VIRMA: variants seen among roughly 807,000 people sequenced by gnomAD.
The protein encoded by VIRMA is protein virilizer homolog.
In VIRMA, 65 loss-of-function variants were observed where a neutral mutation model predicts 182.4. The observed-to-expected ratio is 0.36, with a 90% confidence interval of 0.29 to 0.44. The LOEUF (loss-of-function observed/expected upper bound fraction) is 0.44, where lower values mean the gene tolerates loss of function less well. Ranked by LOEUF, VIRMA falls within the 20% of genes least tolerant of loss-of-function variation. VIRMA has a pLI of 1.00. For missense variants in VIRMA, 1,752 were observed against 2,158.1 expected (o/e 0.81, Z 3.73); for synonymous variants, 709 against 743.1 (o/e 0.95, Z 0.75).
intron 1 of VIRMA, among the ~76,000 whole-genome samples, chr8:94,551,600 G>T (rs1815988970): frequency 6.6e-6 from 1 of 152,112 alleles, no homozygotes; most frequent in South Asian, 2.1e-4. Flanking sequence ...TGCTCTCAAG[G>T]TATTCAATGT....
intron 10 of VIRMA, among the ~76,000 whole-genome samples, chr8:94,515,794 A>G (rs1321746348): frequency 6.6e-6 from 1 of 152,108 alleles, no homozygotes; most frequent in Non-Finnish European, 1.5e-5. Flanking sequence ...ACAATTTACA[A>G]CATTAAAAAA....
chr8:94,495,030 G>T lies in VIRMA; in HGVS notation c.4545-74C>A, dbSNP rs546664585. The T allele has an allele frequency of 4.5e-5, 45 of 996,116 alleles. No homozygotes were observed. In the Admixed American group the frequency reaches 8.1e-4, roughly 18 times the overall value. 61.7% of individuals were successfully genotyped at this position (996,116 alleles called of 1,614,324 possible). On this transcript the variant is annotated intron_variant, in intron 19 of 23. Coordinates refer to ENST00000297591, the MANE Select transcript of VIRMA (RefSeq NM_015496.5). ...TTCAATTTTTTTTTTTTGAGACACA[G>T]TCTTGCTGTTACCCAGCTGGAGCGC...
chr8:94,500,737 AC>A (rs372758094), intron 16 of VIRMA, among the ~76,000 whole-genome samples: 62 of 151,162 alleles, frequency 4.1e-4, no homozygotes, highest in African/African-American at 1.4e-3. Context: ...CAACCCAGTA[AC>A]CCCACTCCTA....
chr8:94,529,540 T>C (rs940406748), intron 6 of VIRMA, among the ~76,000 whole-genome samples, 198 bp from the exon 7 acceptor site: 1 of 152,212 alleles, frequency 6.6e-6, no homozygotes, highest in Non-Finnish European at 1.5e-5. Flanking sequence ...TAAAGTATAC[T>C]GTTAAGCCAT....
intron 18 of VIRMA, 69 bp downstream of exon 18, chr8:94,496,259 G>A (rs1375683937): frequency 3.0e-6 from 4 of 1,335,524 alleles, no homozygotes; most frequent in African/African-American, 1.5e-5. Flanking sequence ...AGGTCACTAC[G>A]AAATACTTGT....
intron 1 of VIRMA, among the ~76,000 whole-genome samples, chr8:94,550,699 C>T (rs1027145259): frequency 1.3e-5 from 2 of 151,142 alleles, no homozygotes; most frequent in South Asian, 4.2e-4. Context: ...AAAATAAAGT[C>T]CATAATTTTT....
At chr8:94,538,769 G>A (rs892535988) in intron 2 of VIRMA, among the ~76,000 whole-genome samples, 6 of 152,064 alleles carry the variant, frequency 3.9e-5, no homozygotes, top group Non-Finnish European at 5.9e-5. Context: ...GCACCACCAT[G>A]CCCAGCTGAT....
rs368575681 is a variant in VIRMA at position 94,490,088 on chromosome 8, C to G, written c.5141-6G>C. 4.8e-5 allele frequency: 77 copies of G among 1,595,240 alleles called. No homozygotes were observed. The highest frequency in any genetic ancestry group is 6.3e-5 in the Non-Finnish European group (74 of 1,172,744). ...TTCCCGACGACTGTAGTTTCCTAAA[C>G]ACAAACAGCACAATCAAAATCACTT... On this transcript the variant is annotated splice_region_variant and splice_polypyrimidine_tract_variant and intron_variant, in intron 22 of 23. Coordinates refer to ENST00000297591, the MANE Select transcript of VIRMA (RefSeq NM_015496.5).
chr8:94,531,414 G>A (rs949404727), intron 5 of VIRMA, among the ~76,000 whole-genome samples: 7 of 152,122 alleles, frequency 4.6e-5, no homozygotes, highest in African/African-American at 1.7e-4. Context: ...TTTCATCACT[G>A]GGGAGATTTT....
At chr8:94,495,655 C>T (rs1022059309) in intron 19 of VIRMA, 76 bp downstream of exon 19, 26 of 1,232,660 alleles carry the variant, frequency 2.1e-5, no homozygotes, top group Non-Finnish European at 2.7e-5. Context: ...TAGAAAAAAA[C>T]GTTTGCTGGC....
At chr8:94,503,642 T>C (rs1190194929) in intron 16 of VIRMA, among the ~76,000 whole-genome samples, 1 of 152,178 alleles carries the variant, frequency 6.6e-6, no homozygotes, top group East Asian at 1.9e-4. Flanking sequence ...TGTTAGTTAA[T>C]AGTAGTATGA....
chr8:94,502,420 T>G (rs890790106), intron 16 of VIRMA, among the ~76,000 whole-genome samples: 2 of 151,354 alleles, frequency 1.3e-5, no homozygotes, highest in Non-Finnish European at 2.9e-5. Flanking sequence ...ATTAATAAAT[T>G]TATTGTTTTA....
intron 16 of VIRMA, among the ~76,000 whole-genome samples, chr8:94,503,159 C>T (rs1447950716): frequency 6.6e-6 from 1 of 152,118 alleles, no homozygotes; most frequent in East Asian, 1.9e-4. Context: ...CCAAGATCTA[C>T]ACTGACAGAT....
At chr8:94,490,312 C>T (rs1207157702) in intron 22 of VIRMA, 2 of 481,712 alleles carry the variant, frequency 4.2e-6, no homozygotes, top group Non-Finnish European at 7.3e-6. Context: ...CCCTGGTCAG[C>T]TGACTGACAA....
At chr8:94,548,436 T>G (rs1037801221) in intron 1 of VIRMA, among the ~76,000 whole-genome samples, 1 of 150,848 alleles carries the variant, frequency 6.6e-6, no homozygotes, top group Non-Finnish European at 1.5e-5. Context: ...AGCTGTTAAT[T>G]ACAGTGTAAA....
intron 8 of VIRMA, among the ~76,000 whole-genome samples, chr8:94,521,451 AT>A (rs908536828): frequency 6.6e-6 from 1 of 152,174 alleles, no homozygotes; most frequent in African/African-American, 2.4e-5. Flanking sequence ...AAAACATCGT[AT>A]TTTTTCAAAT....
At chr8:94,509,649 C>A (rs760568723) in intron 15 of VIRMA, 39 bp downstream of exon 15, 3 of 1,566,378 alleles carry the variant, frequency 1.9e-6, no homozygotes, top group African/African-American at 2.8e-5. Context: ...CACACACATA[C>A]ACATGCAGAG....
At chr8:94,504,667 T>G (rs1814095186) in intron 16 of VIRMA, among the ~76,000 whole-genome samples, 1 of 152,100 alleles carries the variant, frequency 6.6e-6, no homozygotes, top group Non-Finnish European at 1.5e-5. Flanking sequence ...GCTATTGCAA[T>G]GGGCTATGCA....
chr8:94,544,500 A>G (rs1815691311), intron 1 of VIRMA, among the ~76,000 whole-genome samples: 1 of 151,758 alleles, frequency 6.6e-6, no homozygotes, highest in African/African-American at 2.4e-5. Context: ...CTCTACTAAA[A>G]AATACAAAAA....
Sources: gnomAD v4.1 joint callset for allele counts (sites outside exome capture counted in the v4.1 genomes callset) on GRCh38, gnomAD v4.1.1 for gene constraint, MANE v1.5 for transcripts, NCBI Gene and HGNC (gene_info 2026-07-23, HGNC 2026-07-21) for gene names.